NUP210: variants seen among roughly 807,000 people sequenced by gnomAD.
NUP210 encodes the protein nucleoporin 210.
In NUP210, 151 loss-of-function variants were observed where a neutral mutation model predicts 196.0. The observed-to-expected ratio is 0.77, with a 90% CI of 0.67 to 0.88. NUP210 has a LOEUF of 0.88. NUP210 is among the 40% of genes least tolerant of loss of function. The pLI is 0.00. For missense variants in NUP210, 2,314 were observed against 2,493.7 expected, an observed-to-expected ratio of 0.93 and a Z score of 1.53; for synonymous variants, 1,070 against 1,052.7, an observed-to-expected ratio of 1.02 and a Z score of -0.32.
intron 1 of NUP210, among the ~76,000 whole-genome samples, chr3:13,410,264 T>A (rs1700124193): frequency 6.6e-6 from 1 of 151,726 alleles, no homozygotes; most frequent in Non-Finnish European, 1.5e-5. Context: ...CACCGCAGCC[T>A]CCACCTCCCA....
intron 6 of NUP210, among the ~76,000 whole-genome samples, chr3:13,384,885 G>A (rs1699221830): frequency 6.6e-6 from 1 of 152,162 alleles, no homozygotes; most frequent in South Asian, 2.1e-4. Flanking sequence ...CCCTGTCCTA[G>A]AATCTGCCTC....
At chr3:13,372,177 G>T in intron 12 of NUP210, 145 bp from the exon 13 acceptor site, 1 of 792,704 alleles carries the variant, frequency 1.3e-6, no homozygotes. Flanking sequence ...GTGATTCAGG[G>T]ACAGAGAGCA....
At chr3:13,360,756 A>G (rs1698344298) in intron 14 of NUP210, among the ~76,000 whole-genome samples, 1 of 152,210 alleles carries the variant, frequency 6.6e-6, no homozygotes. Context: ...TCGTCAAACA[A>G]TCTGGTAAAA....
intron 32 of NUP210, among the ~76,000 whole-genome samples, 194 bp downstream of exon 32, chr3:13,327,023 A>C (rs1696785469): frequency 6.6e-6 from 1 of 152,244 alleles, no homozygotes; most frequent in South Asian, 2.1e-4. Context: ...GTGCCAACAA[A>C]AATTTACTTG....
In NUP210 at chr3:13,377,316, C is replaced by T. The variant is rs1428037488; in HGVS notation, c.1152+140G>A. Reference sequence around the variant, plus strand: ...GCCTCAGCACTGTTTCCCACAGACCCGGGAGCGCCACTAGAAACAGGACCC... The same window carrying T: ...GCCTCAGCACTGTTTCCCACAGACCTGGGAGCGCCACTAGAAACAGGACCC... On this transcript the variant is annotated intron_variant, in intron 9 of 39. Coordinates refer to ENST00000254508, the MANE Select transcript of NUP210 (RefSeq NM_024923.4). The T allele has an allele frequency of 3.3e-5, 21 of 645,634 alleles. No individual in the cohort carries two copies. In the Admixed American group the frequency reaches 3.7e-4, roughly 11 times the overall value. The allele number at this position is 645,634 out of a possible 1,614,324, so 40.0% of individuals were successfully genotyped here.
In NUP210 at chr3:13,354,965, T is replaced by C. The variant is rs566684943; in HGVS notation, c.2329-858A>G. ...GCTATCCCTCCCTTCTCTGGCCACATAGCATGGGGGCAGTGTGGGCTGGGC... is the reference window on the plus strand; with the variant it reads ...GCTATCCCTCCCTTCTCTGGCCACACAGCATGGGGGCAGTGTGGGCTGGGC... On this transcript the variant is annotated intron_variant, in intron 16 of 39. Coordinates refer to ENST00000254508, the MANE Select transcript of NUP210 (RefSeq NM_024923.4). 6.6e-5 allele frequency among the ~76,000 whole-genome samples: 10 copies of C among 152,246 alleles called. No homozygotes were observed. In the South Asian group the frequency reaches 1.0e-3, roughly 16 times the overall value.
intron 1 of NUP210, among the ~76,000 whole-genome samples, chr3:13,413,041 C>T (rs1488164728): frequency 4.6e-5 from 7 of 150,604 alleles, no homozygotes; most frequent in Admixed American, 4.0e-4. Flanking sequence ...CCGAGGCAGG[C>T]AGATCACGAG....
chr3:13,321,519 C>G, intron 36 of NUP210, 66 bp downstream of exon 36: 1 of 1,553,694 alleles, frequency 6.4e-7, no homozygotes, highest in Non-Finnish European at 8.8e-7. Context: ...CACATTCCCT[C>G]TTCCTCCAGG....
At chr3:13,358,786 G>A (rs779800613) in intron 15 of NUP210, among the ~76,000 whole-genome samples, 9 of 152,218 alleles carry the variant, frequency 5.9e-5, no homozygotes, top group Non-Finnish European at 8.8e-5. Flanking sequence ...AGGAACAGAC[G>A]TGGGAAGTGC....
chr3:13,371,775 A>C, intron 13 of NUP210, 59 bp downstream of exon 13: 1 of 1,488,260 alleles, frequency 6.7e-7, no homozygotes, highest in Non-Finnish European at 9.2e-7. Context: ...CATGCTGAGA[A>C]CCCAGACAAT....
intron 3 of NUP210, among the ~76,000 whole-genome samples, chr3:13,391,890 G>A (rs1231295812): frequency 6.6e-6 from 1 of 151,958 alleles, no homozygotes; most frequent in Non-Finnish European, 1.5e-5. Flanking sequence ...CTGGCTTGCT[G>A]CCTGGGAGCC....
intron 2 of NUP210, among the ~76,000 whole-genome samples, 190 bp from the exon 3 acceptor site, chr3:13,397,678 G>T (rs1699708892): frequency 6.6e-6 from 1 of 152,196 alleles, no homozygotes; most frequent in African/African-American, 2.4e-5. Flanking sequence ...AAGGGCTGTG[G>T]GGGCCTTGTC....
chr3:13,386,013 AG>A (rs1699259962), intron 6 of NUP210, among the ~76,000 whole-genome samples: 1 of 152,250 alleles, frequency 6.6e-6, no homozygotes, highest in African/African-American at 2.4e-5. Flanking sequence ...TCACAGAGAC[AG>A]GAAATAGAGT....
intron 1 of NUP210, among the ~76,000 whole-genome samples, chr3:13,419,845 C>G (rs1700471699): frequency 6.6e-6 from 1 of 151,994 alleles, no homozygotes; most frequent in Non-Finnish European, 1.5e-5. Context: ...CCGCTCTGCT[C>G]GCGCCTCAGC....
intron 31 of NUP210, 37 bp from the exon 32 acceptor site, chr3:13,327,474 G>C (rs1271339863): frequency 6.8e-7 from 1 of 1,477,480 alleles, no homozygotes; most frequent in African/African-American, 1.4e-5. Context: ...CTCAGTCTCG[G>C]GAAAGAAGCT....
chr3:13,416,376 A>C (rs985774122), intron 1 of NUP210, among the ~76,000 whole-genome samples: 1 of 152,182 alleles, frequency 6.6e-6, no homozygotes, highest in Non-Finnish European at 1.5e-5. Flanking sequence ...AATTCAAAAC[A>C]GAGTGTCTCC....
intron 25 of NUP210, among the ~76,000 whole-genome samples, chr3:13,339,101 CTT>C (rs1330192933): frequency 1.3e-5 from 2 of 152,212 alleles, no homozygotes; most frequent in Non-Finnish European, 2.9e-5. Context: ...AAGTCTTTCT[CTT>C]TGTCTTCATA....
intron 2 of NUP210, among the ~76,000 whole-genome samples, chr3:13,399,484 AAAT>A (rs1699767668): frequency 6.6e-6 from 1 of 152,200 alleles, no homozygotes; most frequent in Non-Finnish European, 1.5e-5. Flanking sequence ...TTTAGGTAAC[AAAT>A]AATAATTTAG....
At chr3:13,417,927 A>T (rs1275665724) in intron 1 of NUP210, among the ~76,000 whole-genome samples, 1 of 152,238 alleles carries the variant, frequency 6.6e-6, no homozygotes, top group Non-Finnish European at 1.5e-5. Context: ...GGGGGAAAAA[A>T]GTGTTGTTAG....
Sources: allele counts gnomAD v4.1 joint callset (sites outside exome capture counted in the v4.1 genomes callset), GRCh38; gene constraint gnomAD v4.1.1; transcripts MANE v1.5; gene names NCBI Gene and HGNC (gene_info 2026-07-23, HGNC 2026-07-21).